The following NLGN1 variants were observed in gnomAD, a reference collection of about 807,000 sequenced individuals.
The protein encoded by NLGN1 is neuroligin-1.
A neutral mutation model predicts 65.5 loss-of-function variants in NLGN1; 12 were observed. The ratio of observed to expected loss-of-function variants is 0.18; its 90% CI spans 0.12 to 0.30. The LOEUF (loss-of-function observed/expected upper bound fraction) is 0.30. Among genes scored for constraint, NLGN1 ranks in the 10% least tolerant of loss-of-function variants. The pLI, the probability that NLGN1 is intolerant of heterozygous loss-of-function variation, is 1.00. For missense variants in NLGN1, 750 were observed against 1,007.1 expected (o/e 0.74, Z 3.46); for synonymous variants, 350 against 359.5 (o/e 0.97, Z 0.30).
At chr3:174,075,223 C>A (rs1740668643) in intron 4 of NLGN1, among the ~76,000 whole-genome samples, 1 of 152,112 alleles carries the variant, frequency 6.6e-6, no homozygotes, top group South Asian at 2.1e-4. Flanking sequence ...TACAAACAAT[C>A]TCATTATATT....
chr3:174,264,503 G>A (rs1247949914), intron 4 of NLGN1, among the ~76,000 whole-genome samples: 2 of 150,178 alleles, frequency 1.3e-5, no homozygotes, highest in East Asian at 4.0e-4. Flanking sequence ...CATTCTTCAC[G>A]TAGTTCTCAA....
chr3:173,583,345 T>C (rs1746697866), intron 2 of NLGN1, among the ~76,000 whole-genome samples: 1 of 152,234 alleles, frequency 6.6e-6, no homozygotes, highest in Admixed American at 6.5e-5. Flanking sequence ...TCCAGGAACA[T>C]GTATATTTAT....
intron 3 of NLGN1, among the ~76,000 whole-genome samples, chr3:173,611,514 G>A (rs1752286504): frequency 6.6e-6 from 1 of 152,012 alleles, no homozygotes; most frequent in African/African-American, 2.4e-5. Context: ...ACCACACACT[G>A]AAATAATTAA....
chr3:173,737,106 G>A (rs1193805790), intron 3 of NLGN1, among the ~76,000 whole-genome samples: 2 of 151,876 alleles, frequency 1.3e-5, no homozygotes, highest in African/African-American at 4.8e-5. Context: ...AAATCCACTG[G>A]TAGTTTATTT....
At chr3:173,460,351 C>T (rs544337048) in intron 2 of NLGN1, among the ~76,000 whole-genome samples, 7 of 152,170 alleles carry the variant, frequency 4.6e-5, no homozygotes, top group African/African-American at 7.2e-5. Flanking sequence ...AGGAGACTTA[C>T]GGCTTAGTTG....
At chr3:173,761,748 A>G (rs1248352607) in intron 3 of NLGN1, among the ~76,000 whole-genome samples, 2 of 152,042 alleles carry the variant, frequency 1.3e-5, no homozygotes, top group South Asian at 2.1e-4. Context: ...CCACCATTAT[A>G]TGCGTTGGAT....
intron 3 of NLGN1, among the ~76,000 whole-genome samples, chr3:173,732,541 C>T (rs1773018667): frequency 6.6e-6 from 1 of 152,014 alleles, no homozygotes. Flanking sequence ...TGGGTAGTTG[C>T]AGTTTCATTC....
rs114285122 is a variant in NLGN1, at chr3:174,025,001, G to T, written c.646+217169G>T. ...TTTTCATGAGCCCAGGCTGTTCTTTGTTAGCTCTTTTTGGCTAATTATTTC... is the reference window on the plus strand; with the variant it reads ...TTTTCATGAGCCCAGGCTGTTCTTTTTTAGCTCTTTTTGGCTAATTATTTC... On this transcript the variant is annotated intron_variant, in intron 4 of 6. Coordinates refer to ENST00000457714, the Ensembl canonical transcript of NLGN1. 3.4e-3 allele frequency among the ~76,000 whole-genome samples: 514 copies of T among 152,218 alleles called. 1 individual carries two copies. Among genetic ancestry groups the T allele is most frequent in the African/African-American group, 0.012 (492 of 41,556 alleles).
At chr3:173,767,867 G>A (rs1008132833) in intron 3 of NLGN1, among the ~76,000 whole-genome samples, 14 of 151,930 alleles carry the variant, frequency 9.2e-5, no homozygotes, top group South Asian at 2.1e-4. Flanking sequence ...AAGAAAATTC[G>A]TATTTTGATG....
chr3:173,887,440 G>A (rs1360137876), intron 4 of NLGN1, among the ~76,000 whole-genome samples: 2 of 152,038 alleles, frequency 1.3e-5, no homozygotes, highest in Non-Finnish European at 1.5e-5. Flanking sequence ...CAAATGCTTG[G>A]TGAATTTTTT....
At chr3:174,001,730 G>T (rs897955830) in intron 4 of NLGN1, among the ~76,000 whole-genome samples, 8 of 152,104 alleles carry the variant, frequency 5.3e-5, no homozygotes, top group Admixed American at 5.2e-4. Context: ...CTGGCATATG[G>T]AAAGCATTGG....
intron 3 of NLGN1, among the ~76,000 whole-genome samples, chr3:173,675,294 G>C (rs1189100366): frequency 2.0e-5 from 3 of 151,680 alleles, no homozygotes; most frequent in Non-Finnish European, 4.4e-5. Context: ...CCCACTTTTT[G>C]GTCTTCAGAG....
intron 4 of NLGN1, among the ~76,000 whole-genome samples, chr3:173,976,245 T>A (rs1186017499): frequency 6.6e-6 from 1 of 152,074 alleles, no homozygotes; most frequent in Admixed American, 6.6e-5. Context: ...TGATCCAAGG[T>A]ATTCTTAAGT....
chr3:173,455,742 A>G (rs114506895), intron 2 of NLGN1, among the ~76,000 whole-genome samples: 10,596 of 152,146 alleles, frequency 0.07, 427 homozygotes, highest in Middle Eastern at 0.2. Flanking sequence ...GTGTATATAT[A>G]TGTATATATG....
At chr3:173,608,143 T>A (rs1348208902) in intron 3 of NLGN1, among the ~76,000 whole-genome samples, 2 of 151,932 alleles carry the variant, frequency 1.3e-5, no homozygotes, top group Non-Finnish European at 2.9e-5. Flanking sequence ...CAAGAGATGT[T>A]GTTCTATAAT....
At chr3:173,717,699 G>A (rs1042091451) in intron 3 of NLGN1, among the ~76,000 whole-genome samples, 38 of 152,212 alleles carry the variant, frequency 2.5e-4, no homozygotes, top group African/African-American at 8.9e-4. Flanking sequence ...CTTTCAATCT[G>A]TATGTGGCAA....
At position 173,580,911 on chromosome 3, in the gene NLGN1, G is replaced by T. The variant is rs528841261; in HGVS notation, c.-320-23368G>T. 7.9e-3 allele frequency among the ~76,000 whole-genome samples: 863 copies of T among 108,668 alleles called. 4 individuals are homozygous for T. Among genetic ancestry groups the T allele is most frequent in the Non-Finnish European group, 0.013 (663 of 49,670 alleles). 71.3% of individuals were successfully genotyped at this position (108,668 alleles called of 152,430 possible). ...ATTTGTGGTAGTTGGCTGTTTTAAA[G>T]TCAACTCTCCTATGATATACTTTGG... On this transcript the variant is annotated intron_variant, in intron 2 of 6. Coordinates refer to ENST00000457714, the Ensembl canonical transcript of NLGN1.
chr3:174,281,312 G>A, exon 7 of NLGN1: 1 of 1,573,956 alleles, frequency 6.4e-7, no homozygotes. Flanking sequence ...AGCCAGATAA[G>A]AGAAACAAAC....
intron 2 of NLGN1, among the ~76,000 whole-genome samples, chr3:173,544,829 A>G (rs1338926113): frequency 6.6e-6 from 1 of 152,146 alleles, no homozygotes; most frequent in African/African-American, 2.4e-5. Context: ...GAACCTCAAC[A>G]TTAAAGACAT....
Sources: allele counts gnomAD v4.1 joint callset (sites outside exome capture counted in the v4.1 genomes callset), GRCh38; gene constraint gnomAD v4.1.1; transcripts MANE v1.5; gene names NCBI Gene and HGNC (gene_info 2026-07-23, HGNC 2026-07-21).